TUBGCP3: variants seen among roughly 807,000 people sequenced by gnomAD.
TUBGCP3 encodes tubulin gamma complex component 3, also known as gamma-tubulin complex component 3.
In TUBGCP3, 50 loss-of-function variants were observed where a neutral mutation model predicts 123.1. That is an observed-to-expected ratio of 0.41 (90% CI 0.32 to 0.51). The LOEUF is 0.51. TUBGCP3 is among the 20% of genes least tolerant of loss of function. TUBGCP3 has a pLI of 0.36. For synonymous variants in TUBGCP3, 405 were observed against 413.9 expected, an observed-to-expected ratio of 0.98 and a Z score of 0.26; for missense variants, 882 against 1,127.0, an observed-to-expected ratio of 0.78 and a Z score of 3.11.
Position 112,511,729 on chromosome 13 carries a change from T to C in TUBGCP3, c.2086+4711A>G, listed in dbSNP as rs1881688243. Among the ~76,000 whole-genome samples the C allele has an allele frequency of 6.6e-6, 1 of 152,222 alleles. No homozygotes were observed. The highest frequency in any genetic ancestry group is 2.4e-5 in the African/African-American group (1 of 41,466). On this transcript the variant is annotated intron_variant, in intron 17 of 21. Transcript: ENST00000261965. The surrounding 1 kb of genome is among the most constrained non-coding windows in gnomAD (Gnocchi z 4.1). ...TCATTTACCTTATTATTCGATATATTGGGCCAAAACCAAATTTGGGCCAAT... is the reference window on the plus strand; with the variant it reads ...TCATTTACCTTATTATTCGATATATCGGGCCAAAACCAAATTTGGGCCAAT...
chr13:112,493,796 A>C (rs774320006), intron 20 of TUBGCP3, among the ~76,000 whole-genome samples: 3 of 149,592 alleles, frequency 2.0e-5, no homozygotes, highest in Admixed American at 6.6e-5. Flanking sequence ...GGTGTGCCTG[A>C]GATGCTCTAG....
chr13:112,520,389 C>G (rs1173493932), intron 14 of TUBGCP3, among the ~76,000 whole-genome samples: 2 of 152,046 alleles, frequency 1.3e-5, no homozygotes, highest in Admixed American at 1.3e-4. Flanking sequence ...ATTAGCCCAG[C>G]ATGGTGGCGG....
At position 112,532,299 on chromosome 13, in the gene TUBGCP3, T is replaced by C. The variant is rs546147820; in HGVS notation, c.1336-4815A>G. Among the ~76,000 whole-genome samples the C allele has an allele frequency of 5.3e-5, 8 of 152,364 alleles. No homozygotes were observed. The South Asian group carries it at 1.7e-3, about 32-fold the overall frequency. On this transcript the variant is annotated intron_variant, in intron 11 of 21. Transcript: ENST00000261965. Reference sequence around the variant, plus strand: ...TAAGATATTTTACATGGTAAACTTTTAAATTTCAGTAACACAGCAACAGTG... The same window carrying C: ...TAAGATATTTTACATGGTAAACTTTCAAATTTCAGTAACACAGCAACAGTG...
At chr13:112,491,963 G>A (rs1880129985) in intron 20 of TUBGCP3, among the ~76,000 whole-genome samples, 1 of 152,210 alleles carries the variant, frequency 6.6e-6, no homozygotes, top group South Asian at 2.1e-4. Context: ...TCTGCTCTTA[G>A]TTCTGTCTTC....
chr13:112,558,146 G>A (rs1166326856), intron 5 of TUBGCP3, 50 bp downstream of exon 5: 29 of 1,543,592 alleles, frequency 1.9e-5, no homozygotes, highest in African/African-American at 4.1e-5. Flanking sequence ...GCCTGCAGGC[G>A]TCTCTGTTTC....
chr13:112,496,239 A>G (rs1395823568), intron 20 of TUBGCP3, among the ~76,000 whole-genome samples: 1 of 152,220 alleles, frequency 6.6e-6, no homozygotes, highest in Non-Finnish European at 1.5e-5. Flanking sequence ...CTATAAATTG[A>G]TATTTATAGC....
chr13:112,562,614 C>T (rs1880604359), intron 3 of TUBGCP3, among the ~76,000 whole-genome samples: 1 of 152,146 alleles, frequency 6.6e-6, no homozygotes, highest in African/African-American at 2.4e-5. Flanking sequence ...GCCTGGAGAG[C>T]ACAGAGTGGG....
chr13:112,504,545 C>A, intron 18 of TUBGCP3, 81 bp downstream of exon 18: 1 of 947,964 alleles, frequency 1.1e-6, no homozygotes, highest in Non-Finnish European at 1.6e-6. Flanking sequence ...CACATACATA[C>A]ACATATATAT....
In TUBGCP3 at chr13:112,519,943, G is replaced by C; in HGVS notation, c.1824C>G (p.Thr608=). 1 of 1,614,004 alleles carries C rather than the reference G, an allele frequency of 6.2e-7. No homozygotes were observed. Among genetic ancestry groups the C allele is most frequent in the South Asian group, 1.1e-5 (1 of 91,072 alleles). The change falls in exon 15 of 22, where the codon ACC becomes ACG. Residue 608 remains threonine (T), a synonymous_variant. Transcript: ENST00000261965. This position sits in a 1 kb window ranked among gnomAD's most constrained non-coding sequence, Gnocchi z 6.2. ...TCTCAGGACTGTCAAACTGTGCGTT[G>C]GTGGCTCTGACAGCGGTTTCTAGAA... The part of the protein sequence containing the change: ...TGILETAVRA[T]NAQFDSPEIL...
chr13:112,573,032 G>A (rs1881538099), intron 1 of TUBGCP3, among the ~76,000 whole-genome samples: 1 of 151,688 alleles, frequency 6.6e-6, no homozygotes, highest in South Asian at 2.1e-4. Context: ...TCTTAAAGAT[G>A]AAAAGAACAG....
chr13:112,554,397 C>T lies in TUBGCP3; in HGVS notation c.841-215G>A, dbSNP rs184330791. Among the ~76,000 whole-genome samples the T allele has an allele frequency of 3.9e-5, 6 of 152,334 alleles. No homozygotes were observed. The East Asian group carries it at 5.8e-4, about 15-fold the overall frequency. On this transcript the variant is annotated intron_variant, in intron 7 of 21. Transcript: ENST00000261965. ...AAGGGCATGGTGAGCTCATTTCACA[C>T]CACCCTGCAGTTGGCCTGCGGTGTG...
intron 19 of TUBGCP3, among the ~76,000 whole-genome samples, chr13:112,500,144 A>G (rs898069132): frequency 6.6e-6 from 1 of 152,188 alleles, no homozygotes; most frequent in African/African-American, 2.4e-5. Flanking sequence ...CTGCCATCTT[A>G]GGTTTGAAAA....
At chr13:112,538,937 G>A (rs1485764469) in intron 11 of TUBGCP3, among the ~76,000 whole-genome samples, 2 of 152,082 alleles carry the variant, frequency 1.3e-5, no homozygotes, top group Admixed American at 6.5e-5. Flanking sequence ...AATTCTTAGG[G>A]TAAAGATGTT....
At chr13:112,517,294 CT>C (rs146007231) in intron 16 of TUBGCP3, among the ~76,000 whole-genome samples, 1,798 of 152,258 alleles carry the variant, frequency 0.012, 28 homozygotes, top group African/African-American at 0.041. Flanking sequence ...ATGATATAAA[CT>C]TTTTTCCTCG....
intron 8 of TUBGCP3, among the ~76,000 whole-genome samples, chr13:112,551,757 T>TAAA (rs1879604152): frequency 6.6e-6 from 1 of 151,938 alleles, no homozygotes; most frequent in Non-Finnish European, 1.5e-5. Flanking sequence ...GCTATGATAA[T>TAAA]CGATAAGGAG....
chr13:112,529,061 C>T (rs1160945047), intron 11 of TUBGCP3, among the ~76,000 whole-genome samples: 1 of 152,052 alleles, frequency 6.6e-6, no homozygotes, highest in African/African-American at 2.4e-5. Flanking sequence ...CCATGTTGCC[C>T]AGGCTGGTCT....
At position 112,527,924 on chromosome 13, in the gene TUBGCP3, G is replaced by A. The variant is rs115711838; in HGVS notation, c.1336-440C>T. On this transcript the variant is annotated intron_variant, in intron 11 of 21. Transcript: ENST00000261965. The stretch of plus-strand genomic sequence containing the variant: ...CCTGGAACACAGAGGTGCCCAGGCC[G>A]GCGTCCTCTGTTCACAGACAAGTCC... 5.6e-3 allele frequency among the ~76,000 whole-genome samples: 847 copies of A among 152,326 alleles called. 10 individuals carry two copies. Among genetic ancestry groups the A allele is most frequent in the African/African-American group, 0.019 (809 of 41,580 alleles).
At chr13:112,603,103 A>G in the TUBGCP3 span, 3 of 152,216 alleles carry the variant, frequency 2.0e-5, no homozygotes, top group African/African-American at 7.2e-5. Context: ...CTGCATTCTC[A>G]GCTAAGAAAC....
chr13:112,490,801 C>G (rs528527993), intron 20 of TUBGCP3, among the ~76,000 whole-genome samples: 1 of 152,320 alleles, frequency 6.6e-6, no homozygotes, highest in African/African-American at 2.4e-5. Flanking sequence ...GAGCACAAAG[C>G]TGACCATCGG....
Sources: allele counts gnomAD v4.1 joint callset (sites outside exome capture counted in the v4.1 genomes callset), GRCh38; gene constraint gnomAD v4.1.1; non-coding constraint Gnocchi (gnomAD v3.1); transcripts MANE v1.5; gene names NCBI Gene and HGNC (gene_info 2026-07-23, HGNC 2026-07-21).